The following PIAS2 variants were observed in gnomAD, a reference collection of about 807,000 sequenced individuals.
PIAS2 encodes E3 SUMO-protein ligase PIAS2.
In PIAS2, 19 loss-of-function variants were observed where a neutral mutation model predicts 69.7. The ratio of observed to expected loss-of-function variants is 0.27; its 90% CI spans 0.19 to 0.40. The LOEUF is 0.40. Ranked by LOEUF, PIAS2 falls within the 10% of genes least tolerant of loss-of-function variation. PIAS2 has a pLI of 1.00. For synonymous variants in PIAS2, 261 were observed against 263.2 expected (o/e 0.99, Z 0.08); for missense variants, 624 against 757.0 (o/e 0.82, Z 2.06).
intron 9 of PIAS2, among the ~76,000 whole-genome samples, chr18:46,835,232 G>A (rs1184729199): frequency 6.6e-6 from 1 of 152,094 alleles, no homozygotes; most frequent in African/African-American, 2.4e-5. Context: ...ACATATTAAG[G>A]GAGAAAGTGA....
chr18:46,899,174 A>T (rs2055385906), intron 1 of PIAS2, among the ~76,000 whole-genome samples: 1 of 152,198 alleles, frequency 6.6e-6, no homozygotes, highest in African/African-American at 2.4e-5. Flanking sequence ...GAATTAAATA[A>T]AACATATAAT....
rs1568512682 is a variant in PIAS2 at position 46,851,195 on chromosome 18, C to G, written c.726+4150G>C. ...ACATAAATCCATGAACTCAGAAATACAATTTATAAGGAGAAGGGGGCCAGT... is the reference window on the plus strand; with the variant it reads ...ACATAAATCCATGAACTCAGAAATAGAATTTATAAGGAGAAGGGGGCCAGT... On this transcript the variant is annotated intron_variant, in intron 5 of 13. Coordinates refer to ENST00000585916, the MANE Select transcript of PIAS2 (RefSeq NM_004671.5). Among the ~76,000 whole-genome samples, 8 of 152,120 alleles carry G rather than the reference C, an allele frequency of 5.3e-5. No homozygotes were observed. The South Asian group carries it at 1.7e-3, about 32-fold the overall frequency.
chr18:46,920,021 C>T (rs1053219506), upstream of PIAS2: 7 of 1,276,492 alleles, frequency 5.5e-6, no homozygotes, highest in African/African-American at 1.5e-5. Flanking sequence ...AAACACAAAA[C>T]AGTAAGAAAA....
intron 11 of PIAS2, among the ~76,000 whole-genome samples, chr18:46,824,350 A>G (rs760222241): frequency 3.3e-5 from 5 of 152,214 alleles, no homozygotes; most frequent in African/African-American, 1.2e-4. Context: ...AATGATTATC[A>G]ATCTGGAGAC....
At chr18:46,817,521 T>C in intron 12 of PIAS2, 1 of 943,262 alleles carries the variant, frequency 1.1e-6, no homozygotes, top group Non-Finnish European at 1.3e-6. Context: ...TGATTTCATG[T>C]GTGTGGTAAA....
At chr18:46,895,843 C>T (rs893193468) in intron 1 of PIAS2, among the ~76,000 whole-genome samples, 1 of 152,128 alleles carries the variant, frequency 6.6e-6, no homozygotes, top group African/African-American at 2.4e-5. Context: ...TTGGAGGCCC[C>T]AGTTCCTGGT....
chr18:46,822,880 G>A (rs988574943), intron 11 of PIAS2, among the ~76,000 whole-genome samples: 1 of 152,016 alleles, frequency 6.6e-6, no homozygotes, highest in Non-Finnish European at 1.5e-5. Flanking sequence ...AATGTTAACA[G>A]GCAGGCTTTT....
At position 46,810,181 on chromosome 18, in the gene PIAS2, G is replaced by C. The variant is rs2040908181; in HGVS notation, c.*2252C>G. ...AAACCGAACATTAAAACTGTTCACA[G>C]AAAATAGAAAAAAAAACAAAAAAAC... is the stretch of plus-strand genomic sequence containing the variant. On this transcript the variant is annotated 3_prime_UTR_variant, in exon 14 of 14. Coordinates refer to ENST00000585916, the MANE Select transcript of PIAS2 (RefSeq NM_004671.5). The C allele has an allele frequency of 1.6e-5, 2 of 121,432 alleles. No homozygotes were observed. Among genetic ancestry groups the C allele is most frequent in the Non-Finnish European group, 3.6e-5 (2 of 54,934 alleles). The allele number at this position is 121,432 out of a possible 1,614,324, so 7.5% of individuals were successfully genotyped here. A position where few individuals can be genotyped will look rare whatever the true frequency, so the allele number is the denominator to read the frequency against.
intron 1 of PIAS2, chr18:46,893,475 A>G (rs992762873): frequency 9.2e-6 from 9 of 979,780 alleles, no homozygotes; most frequent in Non-Finnish European, 1.1e-5. Flanking sequence ...CTCATATCTC[A>G]TATTTCCAGT....
rs747938227 is a variant in PIAS2, at chr18:46,846,666, G to A, written c.861+41C>T. On this transcript the variant is annotated intron_variant, in intron 6 of 13. Transcript: ENST00000585916. ...AAAAAACACAGAAAGTCAACCCTCAGTGGGGTCACTGTCCTGCTACCCAAA... is the reference window on the plus strand; with the variant it reads ...AAAAAACACAGAAAGTCAACCCTCAATGGGGTCACTGTCCTGCTACCCAAA... The A allele has an allele frequency of 2.6e-6, 4 of 1,565,906 alleles. No homozygotes were observed. In the South Asian group the frequency reaches 4.9e-5, roughly 19 times the overall value.
intron 1 of PIAS2, among the ~76,000 whole-genome samples, chr18:46,912,843 AGTACTGTCT>A (rs1156291462): frequency 6.6e-6 from 1 of 152,214 alleles, no homozygotes. Context: ...GAATTTTTTC[AGTACTGTCT>A]GCACAAATAT....
intron 2 of PIAS2, among the ~76,000 whole-genome samples, chr18:46,884,831 C>T (rs1218908319): frequency 5.3e-5 from 8 of 151,614 alleles, no homozygotes; most frequent in Non-Finnish European, 7.4e-5. Context: ...GCAGGAGAAT[C>T]GCTTGAACCC....
intron 12 of PIAS2, chr18:46,818,194 A>G (rs1032279901): frequency 3.7e-5 from 44 of 1,174,390 alleles, no homozygotes; most frequent in Admixed American, 4.5e-5. Context: ...AACTTTTAAC[A>G]AAACATAACT....
chr18:46,910,597 A>G (rs1233170968), intron 1 of PIAS2, among the ~76,000 whole-genome samples: 2 of 152,204 alleles, frequency 1.3e-5, no homozygotes, highest in East Asian at 1.9e-4. Context: ...GAAAGATGAT[A>G]GAAGAACTCT....
chr18:46,908,877 C>T (rs1568894654), intron 1 of PIAS2, among the ~76,000 whole-genome samples: 2 of 152,010 alleles, frequency 1.3e-5, no homozygotes, highest in African/African-American at 2.4e-5. Flanking sequence ...GGCATGGTGG[C>T]GGGTACCTGT....
At chr18:46,885,453 G>A (rs1041714071) in intron 2 of PIAS2, among the ~76,000 whole-genome samples, 6 of 151,846 alleles carry the variant, frequency 4.0e-5, no homozygotes, top group South Asian at 2.1e-4. Flanking sequence ...CTTGGGAGGC[G>A]GAGGTTGCAG....
intron 3 of PIAS2, among the ~76,000 whole-genome samples, chr18:46,862,098 G>A (rs897507357): frequency 2.6e-5 from 4 of 152,152 alleles, no homozygotes; most frequent in Non-Finnish European, 5.9e-5. Flanking sequence ...TTGGGAGGCC[G>A]AACAGGTGGA....
rs55776913 is a variant in PIAS2, at chr18:46,859,427, CAAAAAAAAAAAAAAA to C, written c.585-3827_585-3813del. On this transcript the variant is annotated intron_variant, in intron 3 of 13. Coordinates refer to ENST00000585916, the MANE Select transcript of PIAS2 (RefSeq NM_004671.5). ...TGGGTGACAGAGCGAGACTCCGTCTCAAAAAAAAAAAAAAAAAAAAAAAAAGAATCAATGAAGTGC... is the reference window on the plus strand; with the variant it reads ...TGGGTGACAGAGCGAGACTCCGTCTCAAAAAAAAAAGAATCAATGAAGTGC... 4.5e-5 allele frequency among the ~76,000 whole-genome samples: 4 copies of C among 89,544 alleles called. No individual in the cohort carries two copies. The Admixed American group carries it at 5.2e-4, about 12-fold the overall frequency. 58.7% of individuals were successfully genotyped at this position (89,544 alleles called of 152,430 possible).
chr18:46,824,683 AAAT>A lies in PIAS2; in HGVS notation c.1508+3273_1508+3275del, dbSNP rs532824315. On this transcript the variant is annotated intron_variant, in intron 11 of 13. Coordinates refer to ENST00000585916, the MANE Select transcript of PIAS2 (RefSeq NM_004671.5). ...TTGTTTATAAGAATAATTTTTACTA[AAAT>A]AATAATACCTCTTAAAAGATAGTTG... Among the ~76,000 whole-genome samples, 209 of 152,180 alleles carry A rather than the reference AAAT, an allele frequency of 1.4e-3. 1 individual carries two copies. The highest frequency in any genetic ancestry group is 2.6e-3 in the Admixed American group (40 of 15,264).
Sources: allele counts gnomAD v4.1 joint callset (sites outside exome capture counted in the v4.1 genomes callset), GRCh38; gene constraint gnomAD v4.1.1; transcripts MANE v1.5; gene names NCBI Gene and HGNC (gene_info 2026-07-23, HGNC 2026-07-21).